Variants in KLHL3 observed in about 807,000 individuals in gnomAD.
The protein encoded by KLHL3 is kelch-like protein 3.
Under a neutral mutation model 70.5 loss-of-function variants are expected in KLHL3, and 19 were observed. That is an observed-to-expected ratio of 0.27 (90% CI 0.19 to 0.40). The LOEUF (loss-of-function observed/expected upper bound fraction) is 0.40. KLHL3 is among the 10% of genes least tolerant of loss of function. KLHL3 has a pLI of 1.00. For synonymous variants in KLHL3, 258 were observed against 290.3 expected, an observed-to-expected ratio of 0.89 and a Z score of 1.13; for missense variants, 512 against 771.1, an observed-to-expected ratio of 0.66 and a Z score of 3.98.
At chr5:137,654,629 C>A (rs930486984) in intron 8 of KLHL3, among the ~76,000 whole-genome samples, 3 of 152,164 alleles carry the variant, frequency 2.0e-5, no homozygotes, top group Non-Finnish European at 4.4e-5. Flanking sequence ...GCACGTTAGA[C>A]AACATAACCT....
chr5:137,732,927 T>A (rs1300287938), intron 1 of KLHL3, among the ~76,000 whole-genome samples: 2 of 152,220 alleles, frequency 1.3e-5, no homozygotes, highest in African/African-American at 4.8e-5. Flanking sequence ...TAAAGCAGAT[T>A]CACCGCTAGG....
chr5:137,708,930 T>C (rs1193984351), intron 3 of KLHL3, among the ~76,000 whole-genome samples: 1 of 152,160 alleles, frequency 6.6e-6, no homozygotes, highest in East Asian at 1.9e-4. Context: ...CCTGACCCAG[T>C]CTGGAGGTCT....
chr5:137,664,534 A>G (rs963131632), intron 6 of KLHL3, among the ~76,000 whole-genome samples: 22 of 152,062 alleles, frequency 1.4e-4, no homozygotes, highest in African/African-American at 5.1e-4. Context: ...GCTAAAATCG[A>G]AAGTTGTTAA....
chr5:137,735,668 G>A lies in KLHL3; in HGVS notation c.-22C>T. On this transcript the variant is annotated 5_prime_UTR_variant, in exon 1 of 15. Transcript: ENST00000309755. The stretch of plus-strand genomic sequence containing the variant: ...CCATTGTGTGAGGCCCAGCCAGGGT[G>A]GTAGCTGCTGAACTGTGTATGCACT... 6.2e-7 allele frequency: 1 copy of A among 1,614,020 alleles called. No homozygotes were observed. Among genetic ancestry groups the A allele is most frequent in the East Asian group, 2.2e-5 (1 of 44,884 alleles).
chr5:137,661,909 A>C lies in KLHL3; in HGVS notation c.753+6T>G. 1 of 1,483,578 alleles carries C rather than the reference A, an allele frequency of 6.7e-7. No individual in the cohort carries two copies. Among genetic ancestry groups the C allele is most frequent in the Non-Finnish European group, 9.4e-7 (1 of 1,061,672 alleles). The allele number at this position is 1,483,578 out of a possible 1,614,324, so 91.9% of individuals were successfully genotyped here. A position where few individuals can be genotyped will look rare whatever the true frequency, so the allele number is the denominator to read the frequency against. ...AGAAGTGCTTGGCTCTTCATACAACACTCACTTGGACTAGGTAGTCCCTAG... is the reference window on the plus strand; with the variant it reads ...AGAAGTGCTTGGCTCTTCATACAACCCTCACTTGGACTAGGTAGTCCCTAG... On this transcript the variant is annotated splice_donor_region_variant and intron_variant, in intron 7 of 14. Coordinates refer to ENST00000309755, the MANE Select transcript of KLHL3 (RefSeq NM_017415.3).
In KLHL3 at chr5:137,709,734, T is replaced by C; in HGVS notation, c.241+16A>G. 1.3e-6 allele frequency: 2 copies of C among 1,595,852 alleles called. No homozygotes were observed. The highest frequency in any genetic ancestry group is 1.7e-6 in the Non-Finnish European group (2 of 1,163,332). On this transcript the variant is annotated intron_variant, in intron 3 of 14. Coordinates refer to ENST00000309755, the MANE Select transcript of KLHL3 (RefSeq NM_017415.3). Reference sequence around the variant, plus strand: ...CAGCCCCATAACCATGGGTTAATGGTGGCCACTCACCATACCTGTGAACAT... The same window carrying C: ...CAGCCCCATAACCATGGGTTAATGGCGGCCACTCACCATACCTGTGAACAT...
intron 2 of KLHL3, among the ~76,000 whole-genome samples, chr5:137,715,268 G>GT (rs1752872023): frequency 6.6e-6 from 1 of 152,224 alleles, no homozygotes; most frequent in Non-Finnish European, 1.5e-5. Context: ...AAGAACATGT[G>GT]TGCTTGAACT....
intron 14 of KLHL3, among the ~76,000 whole-genome samples, chr5:137,623,183 C>A (rs1750365321): frequency 1.3e-5 from 2 of 152,222 alleles, no homozygotes; most frequent in African/African-American, 2.4e-5. Context: ...AGGAAAGTAT[C>A]TGTCAGGGTT....
intron 6 of KLHL3, among the ~76,000 whole-genome samples, chr5:137,669,704 A>G (rs1751703994): frequency 6.6e-6 from 1 of 152,256 alleles, no homozygotes; most frequent in African/African-American, 2.4e-5. Flanking sequence ...AATGTCTGCC[A>G]GTCAATATGG....
intron 5 of KLHL3, among the ~76,000 whole-genome samples, chr5:137,684,285 A>G (rs1354750093): frequency 6.6e-6 from 1 of 152,260 alleles, no homozygotes. Context: ...CCTAGCAAGT[A>G]TTCAAAAATG....
At chr5:137,677,730 G>A in intron 5 of KLHL3, 76 bp from the exon 6 acceptor site, 2 of 918,706 alleles carry the variant, frequency 2.2e-6, no homozygotes, top group Non-Finnish European at 3.2e-6. Flanking sequence ...ACAATCTGTG[G>A]GATTCACAGT....
At chr5:137,664,779 C>G (rs1403705432) in intron 6 of KLHL3, among the ~76,000 whole-genome samples, 1 of 151,978 alleles carries the variant, frequency 6.6e-6, no homozygotes, top group East Asian at 1.9e-4. Flanking sequence ...AACCATGCCA[C>G]TGCACTCCAG....
intron 5 of KLHL3, among the ~76,000 whole-genome samples, chr5:137,687,791 A>C (rs189043452): frequency 2.1e-5 from 1 of 48,242 alleles, no homozygotes. Context: ...AGAAGTAGAC[A>C]TGGGAGACTT....
Position 137,621,777 on chromosome 5 carries a change from T to TACACACAC in KLHL3, c.*313_*320dup. 3.5e-6 allele frequency: 1 copy of TACACACAC among 284,880 alleles called. No homozygotes were observed. The highest frequency in any genetic ancestry group is 6.7e-6 in the Non-Finnish European group (1 of 149,444). 17.6% of individuals were successfully genotyped at this position (284,880 alleles called of 1,614,324 possible). A position where few individuals can be genotyped will look rare whatever the true frequency, so the allele number is the denominator to read the frequency against. ...AGAAACATAGAGAAACACCATGGTCTACACACACACACACACACACACACA... is the reference window on the plus strand; with the variant it reads ...AGAAACATAGAGAAACACCATGGTCTACACACACACACACACACACACACACACACACA... On this transcript the variant is annotated 3_prime_UTR_variant, in exon 15 of 15. Coordinates refer to ENST00000309755, the MANE Select transcript of KLHL3 (RefSeq NM_017415.3).
At chr5:137,659,976 T>C (rs995078864) in intron 7 of KLHL3, among the ~76,000 whole-genome samples, 1 of 152,180 alleles carries the variant, frequency 6.6e-6, no homozygotes, top group Non-Finnish European at 1.5e-5. Flanking sequence ...GGTGGAGGTC[T>C]GCCCAGGGCT....
At chr5:137,709,655 C>T in intron 3 of KLHL3, 95 bp downstream of exon 3, 1 of 972,964 alleles carries the variant, frequency 1.0e-6, no homozygotes, top group Admixed American at 1.8e-5. Context: ...TAATGGCTTT[C>T]TCTTTCCTCC....
At chr5:137,627,930 C>A in intron 13 of KLHL3, 1 of 200,930 alleles carries the variant, frequency 5.0e-6, no homozygotes, top group South Asian at 1.1e-4. Flanking sequence ...AACCAAGTGC[C>A]ATTGTCTGGC....
Position 137,677,651 on chromosome 5 carries a change from T to C in KLHL3, c.530A>G (p.Gln177Arg). 1.3e-6 allele frequency: 2 copies of C among 1,554,838 alleles called. No individual in the cohort carries two copies. The highest frequency in any genetic ancestry group is 2.3e-5 in the East Asian group (1 of 43,760). Residue 177 changes from glutamine (Q) to arginine (R), a missense_variant, in exon 6 of 15, where the codon CAG becomes CGG. Physicochemically the swap from Gln to Arg is conservative, Grantham distance 43. Transcript: ENST00000309755. The stretch of plus-strand genomic sequence containing the variant: ...TCCTAGCATCACCTCTGGAAAGTGC[T>C]GCTCTGTTCCAAAAAAAAAAAAAAG... ...LLQQANAYAEQHFPEVMLGEE... is the reference protein window; with the variant it reads ...LLQQANAYAERHFPEVMLGEE...
At chr5:137,720,352 T>A in intron 2 of KLHL3, 113 bp downstream of exon 2, 2 of 1,272,642 alleles carry the variant, frequency 1.6e-6, no homozygotes, top group Non-Finnish European at 2.2e-6. Context: ...TAAGAATGGA[T>A]GGAAAGAGTC....
Sources: allele counts gnomAD v4.1 joint callset (sites outside exome capture counted in the v4.1 genomes callset), GRCh38; gene constraint gnomAD v4.1.1; transcripts MANE v1.5; gene names NCBI Gene and HGNC (gene_info 2026-07-23, HGNC 2026-07-21).